The following METTL21C variants were observed in gnomAD, a reference collection of about 807,000 sequenced individuals.
METTL21C encodes protein-lysine methyltransferase METTL21C.
A neutral mutation model predicts 25.9 loss-of-function variants in METTL21C; 21 were observed. The ratio of observed to expected loss-of-function variants is 0.81; its 90% CI spans 0.58 to 1.17. The LOEUF (loss-of-function observed/expected upper bound fraction) is 1.17. Ranked by LOEUF, METTL21C falls within the 50% of genes most tolerant of loss-of-function variation. The probability of loss-of-function intolerance (pLI) is 0.00; values close to 1 mark genes in which losing one functional copy is unlikely to be tolerated. For synonymous variants in METTL21C, 125 were observed against 124.7 expected (o/e 1.00, Z -0.01); for missense variants, 312 against 315.1 (o/e 0.99, Z 0.07).
At chr13:102,697,935 G>A (rs371618418), upstream of METTL21C, among the ~76,000 whole-genome samples, 1 of 152,134 alleles carries the variant, frequency 6.6e-6, no homozygotes, top group South Asian at 2.1e-4. Flanking sequence ...TCCAGCTGCA[G>A]AGAGCTCCGG....
chr13:102,701,598 C>G, the METTL21C span, among the ~76,000 whole-genome samples: 1 of 151,986 alleles, frequency 6.6e-6, no homozygotes, highest in Non-Finnish European at 1.5e-5. Flanking sequence ...TACTTCTAGT[C>G]TAGCCTGATT....
chr13:102,698,564 C>T (rs560324011), upstream of METTL21C, among the ~76,000 whole-genome samples: 1 of 152,056 alleles, frequency 6.6e-6, no homozygotes, highest in Admixed American at 6.6e-5. Flanking sequence ...TCTGAAGGAC[C>T]CCCCAAGAAG....
intron 1 of METTL21C, among the ~76,000 whole-genome samples, chr13:102,691,678 A>G (rs1407084434): frequency 6.6e-6 from 1 of 152,168 alleles, no homozygotes; most frequent in Non-Finnish European, 1.5e-5. Context: ...CTTGAAGTGA[A>G]GTAACATTCC....
upstream of METTL21C, among the ~76,000 whole-genome samples, chr13:102,696,805 G>A (rs568578829): frequency 2.0e-5 from 3 of 152,244 alleles, no homozygotes; most frequent in Admixed American, 6.5e-5. Flanking sequence ...TCTGACATAT[G>A]GTAGCTCCTG....
chr13:102,688,766 T>G (rs928521365), intron 2 of METTL21C, among the ~76,000 whole-genome samples: 1 of 152,000 alleles, frequency 6.6e-6, no homozygotes, highest in South Asian at 2.1e-4. Flanking sequence ...GCTGCAGGGG[T>G]CCTTCCTGGT....
chr13:102,689,907 A>AT (rs974473668), intron 2 of METTL21C, among the ~76,000 whole-genome samples: 2 of 152,372 alleles, frequency 1.3e-5, no homozygotes, highest in African/African-American at 4.8e-5. Context: ...CACTGTAGAC[A>AT]TTACGACCAC....
At chr13:102,698,224 G>C (rs976084524), upstream of METTL21C, among the ~76,000 whole-genome samples, 1 of 152,080 alleles carries the variant, frequency 6.6e-6, no homozygotes, top group Non-Finnish European at 1.5e-5. Flanking sequence ...TCTTTGGAAG[G>C]GTTCTGGATC....
At chr13:102,691,059 T>C in intron 1 of METTL21C, 95 bp from the exon 2 acceptor site, 1 of 1,384,906 alleles carries the variant, frequency 7.2e-7, no homozygotes, top group East Asian at 2.3e-5. Context: ...TTAGATTGAA[T>C]GACCTTTACA....
At position 102,690,929 on chromosome 13, in the gene METTL21C, G is replaced by A; in HGVS notation, c.166C>T (p.Gln56Ter). 1.2e-6 allele frequency: 2 copies of A among 1,614,056 alleles called. No individual in the cohort carries two copies. Among genetic ancestry groups the A allele is most frequent in the Non-Finnish European group, 1.7e-6 (2 of 1,179,986 alleles). Reference protein sequence around the residue: ...NKIEPSLHSLQKFVPTDYASY... With the variant: ...NKIEPSLHSL ...GCGTAATCTGTAGGAACAAATTTCT[G>A]GAGGCTATGAAGAGATGGTTCTATC... Residue 56 changes from glutamine to a stop codon, truncating the protein, a stop_gained, in exon 2 of 4, where the codon CAG (glutamine) becomes TAG (stop). Transcript: ENST00000267273. LOFTEE classifies it high-confidence loss of function.
chr13:102,695,438 T>C (rs1885932123), upstream of METTL21C, among the ~76,000 whole-genome samples: 1 of 152,172 alleles, frequency 6.6e-6, no homozygotes, highest in Admixed American at 6.5e-5. Flanking sequence ...TCAGAAACCC[T>C]TAAAATAGAA....
chr13:102,690,917 G>C lies in METTL21C; in HGVS notation c.178C>G (p.Pro60Ala), dbSNP rs1268845264. Residue 60 changes from proline to alanine, a missense_variant, in exon 2 of 4, where the codon CCT (proline) becomes GCT (alanine). Coordinates refer to ENST00000267273, the MANE Select transcript of METTL21C (RefSeq NM_001010977.3). ...PSLHSLQKFV[P>A]TDYASYTQEH... ...TGAGTGTAGCTGGCGTAATCTGTAGGAACAAATTTCTGGAGGCTATGAAGA... is the reference window on the plus strand; with the variant it reads ...TGAGTGTAGCTGGCGTAATCTGTAGCAACAAATTTCTGGAGGCTATGAAGA... 3.1e-6 allele frequency: 5 copies of C among 1,613,900 alleles called. No individual in the cohort carries two copies. Among genetic ancestry groups the C allele is most frequent in the Admixed American group, 3.3e-5 (2 of 59,992 alleles).
At chr13:102,698,563 C>T (rs982318803), upstream of METTL21C, among the ~76,000 whole-genome samples, 1 of 152,108 alleles carries the variant, frequency 6.6e-6, no homozygotes, top group Non-Finnish European at 1.5e-5. Context: ...GTCTGAAGGA[C>T]CCCCCAAGAA....
chr13:102,694,124 GA>G (rs139461320), intron 1 of METTL21C, among the ~76,000 whole-genome samples: 1 of 151,284 alleles, frequency 6.6e-6, no homozygotes, highest in Non-Finnish European at 1.5e-5. Context: ...TCTATACATA[GA>G]AAAAAAACAA....
chr13:102,691,705 C>A (rs1291725297), intron 1 of METTL21C, among the ~76,000 whole-genome samples: 1 of 152,220 alleles, frequency 6.6e-6, no homozygotes, highest in Non-Finnish European at 1.5e-5. Flanking sequence ...TTGGCTGGAG[C>A]ATGTTCCTTC....
At chr13:102,698,307 G>T (rs1260309213), upstream of METTL21C, among the ~76,000 whole-genome samples, 1 of 152,118 alleles carries the variant, frequency 6.6e-6, no homozygotes, top group African/African-American at 2.4e-5. Context: ...GGGAAGAAGG[G>T]AGGGAGAGAA....
chr13:102,703,873 G>A, the METTL21C span, among the ~76,000 whole-genome samples: 1 of 152,182 alleles, frequency 6.6e-6, no homozygotes, highest in African/African-American at 2.4e-5. Flanking sequence ...TCTATTAAAT[G>A]TAAATGACTT....
At chr13:102,692,917 A>T (rs746308314) in intron 1 of METTL21C, among the ~76,000 whole-genome samples, 1 of 152,160 alleles carries the variant, frequency 6.6e-6, no homozygotes, top group Non-Finnish European at 1.5e-5. Context: ...CCAGCTCCCA[A>T]CACAGGGCTG....
chr13:102,686,353 A>G lies in METTL21C; in HGVS notation c.473T>C (p.Leu158Pro). Reference protein sequence around the residue: ...NLQYNLLKNTLQCTAHLPEVK... With the variant: ...NLQYNLLKNTPQCTAHLPEVK... Reference sequence around the variant, plus strand: ...TTCAGGCAGATGTGCTGTACATTGTAGTGTGTTTTTTAAAAGATTGTATTG... The same window carrying G: ...TTCAGGCAGATGTGCTGTACATTGTGGTGTGTTTTTTAAAAGATTGTATTG... The change falls in exon 4 of 4, where the codon CTA becomes CCA. Residue 158 changes from leucine (L) to proline (P), a missense_variant. Transcript: ENST00000267273. The G allele has an allele frequency of 1.2e-6, 2 of 1,614,142 alleles. No individual in the cohort carries two copies. The highest frequency in any genetic ancestry group is 1.7e-6 in the Non-Finnish European group (2 of 1,180,006).
intron 1 of METTL21C, among the ~76,000 whole-genome samples, chr13:102,693,645 T>C (rs933618846): frequency 6.6e-6 from 1 of 152,254 alleles, no homozygotes; most frequent in Non-Finnish European, 1.5e-5. Context: ...CATACACGTA[T>C]TCTCTCATAA....
Sources: allele counts gnomAD v4.1 joint callset (sites outside exome capture counted in the v4.1 genomes callset), GRCh38; gene constraint gnomAD v4.1.1; transcripts MANE v1.5; gene names NCBI Gene and HGNC (gene_info 2026-07-23, HGNC 2026-07-21).